Variants in KATNAL1 observed in about 807,000 individuals in gnomAD.
KATNAL1 encodes katanin p60 ATPase-containing subunit A-like 1.
A neutral mutation model predicts 55.2 loss-of-function variants in KATNAL1; 32 were observed. The ratio of observed to expected loss-of-function variants is 0.58; its 90% CI spans 0.44 to 0.78. The LOEUF is 0.78. Among genes scored for constraint, KATNAL1 ranks in the 30% least tolerant of loss-of-function variants. KATNAL1 has a pLI of 0.00. For missense variants in KATNAL1, 466 were observed against 600.9 expected (o/e 0.78, Z 2.35); for synonymous variants, 193 against 193.6 (o/e 1.00, Z 0.02).
At chr13:30,293,832 C>A (rs573351901) in intron 1 of KATNAL1, among the ~76,000 whole-genome samples, 2 of 152,130 alleles carry the variant, frequency 1.3e-5, no homozygotes, top group Non-Finnish European at 2.9e-5. Flanking sequence ...GCAAGTCTAC[C>A]GGTGCCATTT....
intron 9 of KATNAL1, among the ~76,000 whole-genome samples, chr13:30,225,647 TAC>T (rs57630828): frequency 0.056 from 8,246 of 146,644 alleles, 298 homozygotes; most frequent in East Asian, 0.16. Context: ...ATGACTCATC[TAC>T]ACACACACAC....
At chr13:30,241,881 C>T (rs1877315496) in intron 4 of KATNAL1, among the ~76,000 whole-genome samples, 1 of 152,162 alleles carries the variant, frequency 6.6e-6, no homozygotes, top group African/African-American at 2.4e-5. Flanking sequence ...AGGTAAGTGA[C>T]CAAACAGTAT....
chr13:30,213,888 A>G (rs945926976), intron 9 of KATNAL1, among the ~76,000 whole-genome samples: 17 of 151,838 alleles, frequency 1.1e-4, no homozygotes, highest in Non-Finnish European at 1.9e-4. Context: ...CTCTCTCACC[A>G]CTCCTATTCA....
At chr13:30,217,410 C>T (rs147591868) in intron 9 of KATNAL1, among the ~76,000 whole-genome samples, 18 of 152,088 alleles carry the variant, frequency 1.2e-4, no homozygotes, top group East Asian at 1.9e-4. Flanking sequence ...GCTGAGATCG[C>T]GCCACTGCAC....
At chr13:30,247,989 C>T (rs769441187) in intron 4 of KATNAL1, among the ~76,000 whole-genome samples, 4 of 152,024 alleles carry the variant, frequency 2.6e-5, no homozygotes, top group Non-Finnish European at 5.9e-5. Context: ...ATAAGAAATA[C>T]CAAATACCAC....
At chr13:30,212,090 CAA>C (rs1475634086) in intron 9 of KATNAL1, among the ~76,000 whole-genome samples, 1 of 152,088 alleles carries the variant, frequency 6.6e-6, no homozygotes, top group Non-Finnish European at 1.5e-5. Flanking sequence ...CATCTAAATG[CAA>C]AGTTGTAAGT....
chr13:30,287,894 TAACA>T (rs1274712569), intron 1 of KATNAL1, among the ~76,000 whole-genome samples: 1 of 152,156 alleles, frequency 6.6e-6, no homozygotes, highest in Non-Finnish European at 1.5e-5. Flanking sequence ...CTTTGACAGC[TAACA>T]AACAAAATGA....
At chr13:30,222,170 T>C (rs1265444345) in intron 9 of KATNAL1, among the ~76,000 whole-genome samples, 1 of 152,198 alleles carries the variant, frequency 6.6e-6, no homozygotes, top group East Asian at 1.9e-4. Flanking sequence ...CTAATGTGGG[T>C]GGGCCTCATC....
At chr13:30,270,040 C>G (rs1375857520) in intron 3 of KATNAL1, among the ~76,000 whole-genome samples, 2 of 131,026 alleles carry the variant, frequency 1.5e-5, no homozygotes, top group African/African-American at 3.1e-5. Context: ...GTCAGCCCCC[C>G]GCCCGGCCAG....
chr13:30,255,596 G>C lies in KATNAL1; in HGVS notation c.343C>G (p.Arg115Gly). 1 of 1,515,582 alleles carries C rather than the reference G, an allele frequency of 6.6e-7. No homozygotes were observed. The highest frequency in any genetic ancestry group is 8.8e-7 in the Non-Finnish European group (1 of 1,135,128). 93.9% of individuals were successfully genotyped at this position (1,515,582 alleles called of 1,614,324 possible). A position where few individuals can be genotyped will look rare whatever the true frequency, so the allele number is the denominator to read the frequency against. ...AEHRAPPQIR[R>G]PNREVRPLRK... Reference sequence around the variant, plus strand: ...AGAGGTCTTACTTCTCGATTGGGACGCCTGATCTGAGGTGGAGCTCTGACA... The same window carrying C: ...AGAGGTCTTACTTCTCGATTGGGACCCCTGATCTGAGGTGGAGCTCTGACA... The change falls in exon 4 of 11, where the codon CGT (arginine) becomes GGT (glycine). Residue 115 changes from arginine (R) to glycine (G), a missense_variant. Physicochemically the swap from Arg to Gly is moderately radical, Grantham distance 125. This residue lies in a region of KATNAL1 where 248 missense variants were observed against 275.5 expected (regional missense o/e 0.90). Coordinates refer to ENST00000380615, the MANE Select transcript of KATNAL1 (RefSeq NM_032116.5).
rs544340141 is a variant in KATNAL1 at position 30,233,780 on chromosome 13, G to A, written c.727-2308C>T. Among the ~76,000 whole-genome samples the A allele has an allele frequency of 1.7e-3, 264 of 152,164 alleles. 1 individual carries two copies. The highest frequency in any genetic ancestry group is 5.8e-3 in the African/African-American group (242 of 41,526). ...ATTCAGCCATAAAAAGAATAAAATC[G>A]TGTCATTTATAGCAACATGGATGGA... On this transcript the variant is annotated intron_variant, in intron 6 of 10. Coordinates refer to ENST00000380615, the MANE Select transcript of KATNAL1 (RefSeq NM_032116.5).
At chr13:30,279,878 T>TA (rs1881144320) in intron 3 of KATNAL1, among the ~76,000 whole-genome samples, 185 bp downstream of exon 3, 1 of 152,210 alleles carries the variant, frequency 6.6e-6, no homozygotes, top group South Asian at 2.1e-4. Context: ...GCAAGATATG[T>TA]AACAAGTCAT....
chr13:30,217,341 C>G (rs1874390904), intron 9 of KATNAL1, among the ~76,000 whole-genome samples: 1 of 152,072 alleles, frequency 6.6e-6, no homozygotes, highest in Admixed American at 6.6e-5. Flanking sequence ...GTAATCCCAG[C>G]TACTCGGGAG....
intron 9 of KATNAL1, among the ~76,000 whole-genome samples, chr13:30,223,688 C>T (rs1875156410): frequency 6.6e-6 from 1 of 151,792 alleles, no homozygotes; most frequent in Admixed American, 6.6e-5. Context: ...AACAGAACAT[C>T]AAAACACATG....
intron 9 of KATNAL1, among the ~76,000 whole-genome samples, chr13:30,225,989 T>G (rs1875425347): frequency 1.3e-5 from 2 of 152,082 alleles, no homozygotes; most frequent in African/African-American, 2.4e-5. Flanking sequence ...GAAATGACAC[T>G]ATACAAAAAG....
intron 8 of KATNAL1, among the ~76,000 whole-genome samples, chr13:30,228,198 C>T (rs1379118283): frequency 6.6e-6 from 1 of 151,936 alleles, no homozygotes; most frequent in Admixed American, 6.5e-5. Context: ...TCAGGTCACA[C>T]AACAGAAACT....
In KATNAL1 at chr13:30,283,684, C is replaced by A; in HGVS notation, c.94G>T (p.Val32Leu). The change falls in exon 2 of 11, where the codon GTG (valine) becomes TTG (leucine). Residue 32 changes from valine (V) to leucine (L), a missense_variant. By Grantham distance (32) the Val-to-Leu change is conservative (BLOSUM62 1). This residue lies in a region of KATNAL1 where 248 missense variants were observed against 275.5 expected (regional missense o/e 0.90). Transcript: ENST00000380615. ...YDSSMVYYQGVMQQIQRHCQS... is the reference protein window; with the variant it reads ...YDSSMVYYQGLMQQIQRHCQS... Reference sequence around the variant, plus strand: ...CAATGTCTCTGAATCTGCTGCATCACCCCCTGGTAATATACCATTGATGAG... The same window carrying A: ...CAATGTCTCTGAATCTGCTGCATCAACCCCTGGTAATATACCATTGATGAG... 3 of 1,613,916 alleles carry A rather than the reference C, an allele frequency of 1.9e-6. No homozygotes were observed. Among genetic ancestry groups the A allele is most frequent in the Non-Finnish European group, 2.5e-6 (3 of 1,179,884 alleles).
At chr13:30,227,114 C>CTCT (rs1491167769) in intron 9 of KATNAL1, among the ~76,000 whole-genome samples, 1 of 3,154 alleles carries the variant, frequency 3.2e-4, no homozygotes, top group Non-Finnish European at 6.8e-4. Flanking sequence ...CACACACACA[C>CTCT]TCTCTCTCTC....
At chr13:30,267,017 C>G (rs913473720) in intron 3 of KATNAL1, among the ~76,000 whole-genome samples, 1 of 152,122 alleles carries the variant, frequency 6.6e-6, no homozygotes, top group African/African-American at 2.4e-5. Flanking sequence ...AGTTGCTAAG[C>G]CATTCATTCA....
Sources: gnomAD v4.1 joint callset for allele counts (sites outside exome capture counted in the v4.1 genomes callset) on GRCh38, gnomAD v4.1.1 for gene constraint, gnomAD v4.1.1 regional missense constraint, MANE v1.5 for transcripts, NCBI Gene and HGNC (gene_info 2026-07-23, HGNC 2026-07-21) for gene names.